ACSBG1: variants seen among roughly 807,000 people sequenced by gnomAD.
The protein encoded by ACSBG1 is long-chain-fatty-acid--CoA ligase ACSBG1.
Under a neutral mutation model 80.2 loss-of-function variants are expected in ACSBG1, and 39 were observed. The ratio of observed to expected loss-of-function variants is 0.49; its 90% CI spans 0.38 to 0.64. The LOEUF (loss-of-function observed/expected upper bound fraction) is 0.64. ACSBG1 is among the 30% of genes least tolerant of loss of function. The pLI is 0.00. For synonymous variants in ACSBG1, 392 were observed against 379.5 expected, an observed-to-expected ratio of 1.03 and a Z score of -0.38; for missense variants, 828 against 966.4, an observed-to-expected ratio of 0.86 and a Z score of 1.90.
intron 5 of ACSBG1, among the ~76,000 whole-genome samples, chr15:78,184,413 G>T (rs2074979339): frequency 6.6e-6 from 1 of 151,982 alleles, no homozygotes; most frequent in Non-Finnish European, 1.5e-5. Flanking sequence ...GAACTCCTGG[G>T]CTCAAGAGAT....
intron 2 of ACSBG1, 58 bp from the exon 3 acceptor site, chr15:78,194,784 C>A: frequency 6.4e-7 from 1 of 1,554,680 alleles, no homozygotes; most frequent in South Asian, 1.1e-5. Flanking sequence ...ACTTGTCCTG[C>A]CCTGGGCAGA....
Position 78,215,169 on chromosome 15 carries a change from C to T in ACSBG1, c.132-7067G>A, listed in dbSNP as rs1388131428. Among the ~76,000 whole-genome samples, 5 of 152,314 alleles carry T rather than the reference C, an allele frequency of 3.3e-5. No homozygotes were observed. The East Asian group carries it at 7.7e-4, about 24-fold the overall frequency. ...TCCCAGAAAGGAATTCAGACCTCTC[C>T]TTTGTCCTGAAGAGCTAAAGATGAA... On this transcript the variant is annotated intron_variant, in intron 1 of 13. Transcript: ENST00000258873.
chr15:78,200,966 C>A (rs1288326849), intron 2 of ACSBG1, among the ~76,000 whole-genome samples: 1 of 152,256 alleles, frequency 6.6e-6, no homozygotes, highest in African/African-American at 2.4e-5. Flanking sequence ...ACCTGAACTG[C>A]TCCCAGTTCC....
chr15:78,183,169 A>G (rs556761827), intron 5 of ACSBG1, among the ~76,000 whole-genome samples: 6 of 152,376 alleles, frequency 3.9e-5, no homozygotes, highest in Non-Finnish European at 7.3e-5. Context: ...AGTGGTTTCT[A>G]GGATATATTA....
intron 2 of ACSBG1, among the ~76,000 whole-genome samples, chr15:78,200,087 C>A (rs1403889505): frequency 6.6e-6 from 1 of 152,170 alleles, no homozygotes; most frequent in Non-Finnish European, 1.5e-5. Context: ...GGACAGAATT[C>A]TTCACCTAAT....
intron 5 of ACSBG1, among the ~76,000 whole-genome samples, chr15:78,187,278 T>C (rs2075013480): frequency 6.6e-6 from 1 of 152,226 alleles, no homozygotes; most frequent in Non-Finnish European, 1.5e-5. Flanking sequence ...CTTCTGAAAC[T>C]ATTCCAATCA....
At chr15:78,212,610 G>A (rs1199214837) in intron 1 of ACSBG1, 1 of 455,788 alleles carries the variant, frequency 2.2e-6, no homozygotes, top group South Asian at 1.5e-5. Flanking sequence ...GTGCCTGGGG[G>A]GTGGCTGCAA....
chr15:78,192,416 G>A lies in ACSBG1; in HGVS notation c.663+1090C>T, dbSNP rs374433742. Reference sequence around the variant, plus strand: ...TCAGAGGCCTTTGTACGTCTATCCAGGCAGCTCTGAGGTCTTCCCGGGGCT... The same window carrying A: ...TCAGAGGCCTTTGTACGTCTATCCAAGCAGCTCTGAGGTCTTCCCGGGGCT... On this transcript the variant is annotated intron_variant, in intron 5 of 13. Coordinates refer to ENST00000258873, the MANE Select transcript of ACSBG1 (RefSeq NM_015162.5). Among the ~76,000 whole-genome samples the A allele has an allele frequency of 1.1e-4, 17 of 152,264 alleles. No individual in the cohort carries two copies. In the East Asian group the frequency reaches 1.9e-3, roughly 17 times the overall value.
At chr15:78,204,421 C>T (rs966251572) in intron 2 of ACSBG1, among the ~76,000 whole-genome samples, 2 of 152,168 alleles carry the variant, frequency 1.3e-5, no homozygotes, top group Non-Finnish European at 2.9e-5. Flanking sequence ...AGCAAGAACC[C>T]GGGCATCCCA....
chr15:78,199,109 C>CT (rs939318629), intron 2 of ACSBG1, among the ~76,000 whole-genome samples: 1 of 151,690 alleles, frequency 6.6e-6, no homozygotes, highest in African/African-American at 2.4e-5. Flanking sequence ...CTTTTCTTTT[C>CT]TTTCTTTCTT....
rs563279208 is a variant in ACSBG1 at position 78,182,124 on chromosome 15, C to T, written c.916G>A (p.Gly306Ser). Residue 306 changes from glycine (G) to serine (S), a missense_variant, in exon 8 of 14, where the codon GGC becomes AGC. Around this residue, in one of 3 missense-constraint regions of ACSBG1, gnomAD observed 271 missense variants for 375.9 expected, o/e 0.72. Transcript: ENST00000258873. ...QDNITWTARY[G>S]SQAGDIRPAE... The stretch of plus-strand genomic sequence containing the variant: ...GGCCGGATGTCACCGGCCTGGCTGC[C>T]GTACCGTGCCGTCCACGTGATCTGG... 1.0e-4 allele frequency: 166 copies of T among 1,610,688 alleles called. No individual in the cohort carries two copies. Among genetic ancestry groups the T allele is most frequent in the Non-Finnish European group, 1.3e-4 (152 of 1,179,932 alleles).
intron 8 of ACSBG1, 51 bp from the exon 9 acceptor site, chr15:78,180,987 C>A: frequency 6.3e-7 from 1 of 1,584,368 alleles, no homozygotes; most frequent in Non-Finnish European, 8.6e-7. Flanking sequence ...ATCTGGGGCC[C>A]AGGGGTCCCC....
Position 78,170,754 on chromosome 15 carries a change from A to G in ACSBG1, c.*690T>C, listed in dbSNP as rs1038782316. ...TTCCAGGGCACTAATGGTCACTCGC[A>G]TGCCCGCTGTGCACAGTCCTGTGAG... On this transcript the variant is annotated 3_prime_UTR_variant, in exon 14 of 14. Transcript: ENST00000258873. 2 of 152,588 alleles carry G rather than the reference A, an allele frequency of 1.3e-5. No homozygotes were observed. Among genetic ancestry groups the G allele is most frequent in the African/African-American group, 4.8e-5 (2 of 41,436 alleles). The allele number at this position is 152,588 out of a possible 1,614,324, so 9.5% of individuals were successfully genotyped here.
intron 1 of ACSBG1, among the ~76,000 whole-genome samples, chr15:78,214,774 C>T (rs1458321641): frequency 6.6e-6 from 1 of 152,142 alleles, no homozygotes; most frequent in East Asian, 1.9e-4. Flanking sequence ...GAGCAGGGCA[C>T]AGAGGCAGCA....
chr15:78,208,148 G>A, intron 1 of ACSBG1, 46 bp from the exon 2 acceptor site: 2 of 1,498,888 alleles, frequency 1.3e-6, no homozygotes, highest in East Asian at 4.6e-5. Flanking sequence ...AGAACGTGGG[G>A]GACCGGCCTG....
intron 13 of ACSBG1, among the ~76,000 whole-genome samples, chr15:78,173,023 G>A (rs2074841628): frequency 6.6e-6 from 1 of 152,230 alleles, no homozygotes; most frequent in Non-Finnish European, 1.5e-5. Context: ...TCAAGGCCAA[G>A]TTAAATGTCA....
At chr15:78,209,398 T>C (rs778934634) in intron 1 of ACSBG1, 3 of 382,166 alleles carry the variant, frequency 7.8e-6, no homozygotes, top group Non-Finnish European at 1.6e-5. Context: ...GCCCTTCCAT[T>C]GCTATGGCGA....
At chr15:78,198,903 CATAGTAAATAATGT>C (rs2075140462) in intron 2 of ACSBG1, among the ~76,000 whole-genome samples, 2 of 152,124 alleles carry the variant, frequency 1.3e-5, no homozygotes, top group South Asian at 4.1e-4. Flanking sequence ...GTATCAGCAT[CATAGTAAATAATGT>C]ATAGTAATAC....
intron 2 of ACSBG1, among the ~76,000 whole-genome samples, chr15:78,202,182 T>C (rs776945680): frequency 1.3e-5 from 2 of 152,102 alleles, no homozygotes; most frequent in Non-Finnish European, 2.9e-5. Flanking sequence ...AGGCTTTTTC[T>C]TTTTACTTTT....
Sources: allele counts gnomAD v4.1 joint callset (sites outside exome capture counted in the v4.1 genomes callset), GRCh38; gene constraint gnomAD v4.1.1; regional missense constraint gnomAD v4.1.1; transcripts MANE v1.5; gene names NCBI Gene and HGNC (gene_info 2026-07-23, HGNC 2026-07-21).